The following RPS6KA4 variants were observed in gnomAD, a reference collection of about 807,000 sequenced individuals.
The protein encoded by RPS6KA4 is ribosomal protein S6 kinase alpha-4.
A neutral mutation model predicts 89.6 loss-of-function variants in RPS6KA4; 38 were observed. The ratio of observed to expected loss-of-function variants is 0.42; its 90% CI spans 0.33 to 0.56. The LOEUF (loss-of-function observed/expected upper bound fraction) is 0.56. Ranked by LOEUF, RPS6KA4 falls within the 20% of genes least tolerant of loss-of-function variation. The pLI, the probability that RPS6KA4 is intolerant of heterozygous loss-of-function variation, is 0.07. For synonymous variants in RPS6KA4, 495 were observed against 492.8 expected (o/e 1.00, Z -0.06); for missense variants, 873 against 1,098.8 (o/e 0.79, Z 2.90).
intron 8 of RPS6KA4, among the ~76,000 whole-genome samples, chr11:64,364,770 G>T (rs1340976418): frequency 2.2e-5 from 3 of 139,240 alleles, no homozygotes; most frequent in Non-Finnish European, 3.0e-5. Flanking sequence ...TGGGGTTTTC[G>T]CTCTTGTCGC....
In RPS6KA4 at chr11:64,370,074, C is replaced by T; in HGVS notation, c.1798-151C>T. The T allele has an allele frequency of 9.3e-7, 1 of 1,076,674 alleles. No homozygotes were observed. The highest frequency in any genetic ancestry group is 1.3e-6 in the Non-Finnish European group (1 of 774,392). The allele number at this position is 1,076,674 out of a possible 1,614,324, so 66.7% of individuals were successfully genotyped here. A position where few individuals can be genotyped will look rare whatever the true frequency, so the allele number is the denominator to read the frequency against. ...GGTCGCTCTGGTGCTAGAGTCGGAG[C>T]ATCCGGGTATTGGGGGTTAGAAGTC... On this transcript the variant is annotated intron_variant, in intron 14 of 16. Transcript: ENST00000334205. The surrounding 1 kb of genome is among the most constrained non-coding windows in gnomAD (Gnocchi z 4.1).
In RPS6KA4 at chr11:64,369,726, G is replaced by A. The variant is rs1284865222; in HGVS notation, c.1630G>A (p.Gly544Arg). The part of the protein sequence containing the change: ...ENILYADDTP[G>R]APVKIIDFGF... ...CATCCTGTACGCCGACGACACGCCC[G>A]GGGCCCCGGTGAAAATCATCGACTT... is the stretch of plus-strand genomic sequence containing the variant. Residue 544 changes from glycine to arginine, a missense_variant, in exon 14 of 17, where the codon GGG becomes AGG. Gly to Arg is a moderately radical substitution (Grantham distance 125). Transcript: ENST00000334205. 1 of 1,610,606 alleles carries A rather than the reference G, an allele frequency of 6.2e-7. No homozygotes were observed. The highest frequency in any genetic ancestry group is 8.5e-7 in the Non-Finnish European group (1 of 1,178,612).
In RPS6KA4 at chr11:64,360,462, C is replaced by T. The variant is rs766044356; in HGVS notation, c.347-15C>T. 1.1e-5 allele frequency: 18 copies of T among 1,607,938 alleles called. No individual in the cohort carries two copies. The highest frequency in any genetic ancestry group is 4.4e-5 in the South Asian group (4 of 90,076). On this transcript the variant is annotated splice_polypyrimidine_tract_variant and intron_variant, in intron 3 of 16. Transcript: ENST00000334205. ...CCTGACGGGGCTGCTTCCTGACTTCCACTGCACCTCCCAGACTATGTGAGC... is the reference window on the plus strand; with the variant it reads ...CCTGACGGGGCTGCTTCCTGACTTCTACTGCACCTCCCAGACTATGTGAGC...
chr11:64,364,110 C>T (rs1489052291), intron 8 of RPS6KA4, among the ~76,000 whole-genome samples: 1 of 151,794 alleles, frequency 6.6e-6, no homozygotes, highest in Non-Finnish European at 1.5e-5. Flanking sequence ...CACAGTGCCA[C>T]ATTGTCTTCA....
rs1252940649 is a variant in RPS6KA4 at position 64,359,181 on chromosome 11, T to G, written c.-55T>G. ...GCGCCCGCCCCGGCCGGAGCCGCCA[T>G]GTAACCGGCGCCGCCCGGAGCCCGA... is the stretch of plus-strand genomic sequence containing the variant. On this transcript the variant is annotated 5_prime_UTR_variant, in exon 1 of 17. An upstream start codon of the reference 5' UTR is lost. Transcript: ENST00000334205. 1 of 1,237,014 alleles carries G rather than the reference T, an allele frequency of 8.1e-7. No individual in the cohort carries two copies. The allele number at this position is 1,237,014 out of a possible 1,614,324, so 76.6% of individuals were successfully genotyped here.
Position 64,371,776 on chromosome 11 carries a change from G to T in RPS6KA4, c.*296G>T. On this transcript the variant is annotated 3_prime_UTR_variant, in exon 17 of 17. Transcript: ENST00000334205. ...CCCTCCAGGGGGACTGCTCCAACAG[G>T]AAAGAGCCCCTCCCCCACTTCTAAG... The T allele has an allele frequency of 3.2e-6, 1 of 313,364 alleles. No homozygotes were observed. The allele number at this position is 313,364 out of a possible 1,614,324, so 19.4% of individuals were successfully genotyped here.
At position 64,369,538 on chromosome 11, in the gene RPS6KA4, C is replaced by T. The variant is rs369856588; in HGVS notation, c.1521C>T (p.Ser507=). The T allele has an allele frequency of 2.3e-5, 37 of 1,608,966 alleles. No homozygotes were observed. Among genetic ancestry groups the T allele is most frequent in the Middle Eastern group, 1.6e-4 (1 of 6,080 alleles). The stretch of plus-strand genomic sequence containing the variant: ...GGCACTTCAGCGAGTCGGAAGCAAG[C>T]CAGATCCTGCGCAGCCTCGTGTCGG... ...KKRHFSESEA[S]QILRSLVSAV... is the part of the protein sequence containing the mutation. The change falls in exon 13 of 17, where the codon AGC becomes AGT. Residue 507 remains serine (S), a synonymous_variant. Transcript: ENST00000334205.
In RPS6KA4 at chr11:64,360,204, G is replaced by C. The variant is rs1220240625; in HGVS notation, c.169G>C (p.Asp57His). ...VFLVRKAGGH[D>H]AGKLYAMKVL... is the part of the protein sequence containing the mutation. The stretch of plus-strand genomic sequence containing the variant: ...CCTGGTGCGGAAGGCGGGCGGGCAC[G>C]ACGCGGGGAAGCTGTACGCCATGAA... The change falls in exon 3 of 17, where the codon GAC (aspartate) becomes CAC (histidine). Residue 57 changes from aspartate to histidine, a missense_variant. Physicochemically the swap from Asp to His is moderately conservative, Grantham distance 81 (BLOSUM62 -1). Transcript: ENST00000334205. 6.5e-7 allele frequency: 1 copy of C among 1,548,240 alleles called. No homozygotes were observed. The highest frequency in any genetic ancestry group is 8.7e-7 in the Non-Finnish European group (1 of 1,146,856).
chr11:64,362,861 G>T (rs907798657), intron 8 of RPS6KA4, among the ~76,000 whole-genome samples: 13 of 152,064 alleles, frequency 8.5e-5, no homozygotes, highest in African/African-American at 3.1e-4. Flanking sequence ...AGTAGAAACG[G>T]GGTTTCACCA....
chr11:64,361,692 G>A lies in RPS6KA4; in HGVS notation c.702G>A (p.Gly234=), dbSNP rs1450833675. 3 of 1,612,250 alleles carry A rather than the reference G, an allele frequency of 1.9e-6. No individual in the cohort carries two copies. The highest frequency in any genetic ancestry group is 2.5e-6 in the Non-Finnish European group (3 of 1,179,690). The change falls in exon 7 of 17, where the codon GGG becomes GGA. Residue 234 remains glycine (G), a synonymous_variant. Transcript: ENST00000334205. The surrounding 1 kb of genome is among the most constrained non-coding windows in gnomAD (Gnocchi z 4.7). The stretch of plus-strand genomic sequence containing the variant: ...TCTTGCTCTTCGAGCTGCTGACGGG[G>A]GCCTCGCCCTTCACCCTGGAGGGCG... ...LGILLFELLT[G]ASPFTLEGER...
chr11:64,360,591 A>G lies in RPS6KA4; in HGVS notation c.461A>G (p.Lys154Arg). 6.3e-7 allele frequency: 1 copy of G among 1,599,420 alleles called. No homozygotes were observed. Among genetic ancestry groups the G allele is most frequent in the Non-Finnish European group, 8.5e-7 (1 of 1,172,932 alleles). Residue 154 changes from lysine (K) to arginine (R), a missense_variant and splice_region_variant, in exon 4 of 17, where the codon AAG becomes AGG. By Grantham distance (26) the Lys-to-Arg change is conservative. Coordinates refer to ENST00000334205, the MANE Select transcript of RPS6KA4 (RefSeq NM_003942.3). Reference protein sequence around the residue: ...EIVLALEHLHKLGIIYRDLKL... With the variant: ...EIVLALEHLHRLGIIYRDLKL... ...GTGCTGGCCCTGGAACACCTGCACA[A>G]GGTGGGTGAAGACCTGGCCGCAGGC...
chr11:64,369,435 G>T lies in RPS6KA4; in HGVS notation c.1429-11G>T, dbSNP rs773408350. On this transcript the variant is annotated splice_polypyrimidine_tract_variant and intron_variant, in intron 12 of 16. Coordinates refer to ENST00000334205, the MANE Select transcript of RPS6KA4 (RefSeq NM_003942.3). ...GTGGGTGTTGACCTTGGCCCGCCAC[G>T]CCGCCCGCAGCTGCACACGTACCTG... The T allele has an allele frequency of 5.2e-5, 82 of 1,580,982 alleles. No homozygotes were observed. Among genetic ancestry groups the T allele is most frequent in the Non-Finnish European group, 6.9e-5 (80 of 1,166,096 alleles).
At position 64,359,459 on chromosome 11, in the gene RPS6KA4, C is replaced by A; in HGVS notation, c.127+10C>A. On this transcript the variant is annotated intron_variant, in intron 2 of 16. Transcript: ENST00000334205. ...GTGCTGGGCACGGGAGGTGAGGACC[C>A]CCATCCACCGGGCAGGCGTCCCAGG... The A allele has an allele frequency of 6.2e-7, 1 of 1,613,176 alleles. No individual in the cohort carries two copies.
chr11:64,359,306 G>C lies in RPS6KA4; in HGVS notation c.55+16G>C. The C allele has an allele frequency of 6.3e-7, 1 of 1,599,048 alleles. No homozygotes were observed. The highest frequency in any genetic ancestry group is 8.5e-7 in the Non-Finnish European group (1 of 1,172,620). On this transcript the variant is annotated intron_variant, in intron 1 of 16. Coordinates refer to ENST00000334205, the MANE Select transcript of RPS6KA4 (RefSeq NM_003942.3). ...ATCACAGAAGGTGGGTGTGGGGCCT[G>C]ACTGCGGCTGCCCGGGGCAGGCCGG...
intron 4 of RPS6KA4, among the ~76,000 whole-genome samples, 196 bp downstream of exon 4, chr11:64,360,788 T>G (rs1440687458): frequency 6.6e-6 from 1 of 152,100 alleles, no homozygotes; most frequent in Non-Finnish European, 1.5e-5. Flanking sequence ...TCCCCTCCCC[T>G]GGCACCTCCT....
At position 64,369,593 on chromosome 11, in the gene RPS6KA4, G is replaced by A. The variant is rs767134558; in HGVS notation, c.1576G>A (p.Val526Met). 1.9e-6 allele frequency: 3 copies of A among 1,605,080 alleles called. No individual in the cohort carries two copies. The highest frequency in any genetic ancestry group is 2.6e-6 in the Non-Finnish European group (3 of 1,176,328). Residue 526 changes from valine (V) to methionine (M), a missense_variant, in exon 13 of 17, where the codon GTG (valine) becomes ATG (methionine). Val to Met is a conservative substitution (Grantham distance 21, BLOSUM62 1). Coordinates refer to ENST00000334205, the MANE Select transcript of RPS6KA4 (RefSeq NM_003942.3). ...GAGCTTCATGCACGAGGAGGCGGGCGTGGTGCACCGCGACCTCAAGCCGGA... is the reference window on the plus strand; with the variant it reads ...GAGCTTCATGCACGAGGAGGCGGGCATGGTGCACCGCGACCTCAAGCCGGA... ...AVSFMHEEAG[V>M]VHRDLKPENI... is the part of the protein sequence containing the mutation.
At position 64,361,861 on chromosome 11, in the gene RPS6KA4, G is replaced by T; in HGVS notation, c.765G>T (p.Leu255=). 1 of 1,612,564 alleles carries T rather than the reference G, an allele frequency of 6.2e-7. No homozygotes were observed. Among genetic ancestry groups the T allele is most frequent in the Non-Finnish European group, 8.5e-7 (1 of 1,179,756 alleles). Residue 255 remains leucine (L), a synonymous_variant, in exon 8 of 17, where the codon CTG becomes CTT. Coordinates refer to ENST00000334205, the MANE Select transcript of RPS6KA4 (RefSeq NM_003942.3). This position sits in a 1 kb window ranked among gnomAD's most constrained non-coding sequence, Gnocchi z 4.7. ...CCCCCAATCCTCCCAGACGGATCCT[G>T]AAGTGCTCCCCTCCCTTCCCCCCTC... The part of the protein sequence containing the change: ...NTQAEVSRRI[L]KCSPPFPPRI...
In RPS6KA4 at chr11:64,369,844, A is replaced by C; in HGVS notation, c.1748A>C (p.Gln583Pro). The C allele has an allele frequency of 6.3e-7, 1 of 1,583,088 alleles. No homozygotes were observed. Among genetic ancestry groups the C allele is most frequent in the Non-Finnish European group, 8.6e-7 (1 of 1,165,634 alleles). The change falls in exon 14 of 17, where the codon CAG (glutamine) becomes CCG (proline). Residue 583 changes from glutamine (Q) to proline (P), a missense_variant. This residue lies in a region of RPS6KA4 where 278 missense variants were observed against 284.8 expected (regional missense o/e 0.98). Coordinates refer to ENST00000334205, the MANE Select transcript of RPS6KA4 (RefSeq NM_003942.3). Reference sequence around the variant, plus strand: ...TACGCTGCCCCCGAGCTGCTGGCGCAGCAGGGCTACGACGAGTCCTGCGAC... The same window carrying C: ...TACGCTGCCCCCGAGCTGCTGGCGCCGCAGGGCTACGACGAGTCCTGCGAC... Reference protein sequence around the residue: ...LQYAAPELLAQQGYDESCDLW... With the variant: ...LQYAAPELLAPQGYDESCDLW...
At position 64,370,825 on chromosome 11, in the gene RPS6KA4, GC is replaced by G. The variant is rs2037046239; in HGVS notation, c.2121+101del. ...TCGGAGCACAGAAAGGCGAGGTGAG[GC>G]CGGGCGCGGTGGCTCACGCCTGTAA... On this transcript the variant is annotated intron_variant, in intron 16 of 16. Transcript: ENST00000334205. This position sits in a 1 kb window ranked among gnomAD's most constrained non-coding sequence, Gnocchi z 4.1. 7.2e-7 allele frequency: 1 copy of G among 1,387,484 alleles called. No homozygotes were observed. Among genetic ancestry groups the G allele is most frequent in the Admixed American group, 2.8e-5 (1 of 35,466 alleles). 85.9% of individuals were successfully genotyped at this position (1,387,484 alleles called of 1,614,324 possible).
Sources: gnomAD v4.1 joint callset for allele counts (sites outside exome capture counted in the v4.1 genomes callset) on GRCh38, gnomAD v4.1.1 for gene constraint, gnomAD v4.1.1 regional missense constraint, Gnocchi (gnomAD v3.1) non-coding constraint, MANE v1.5 for transcripts, NCBI Gene and HGNC (gene_info 2026-07-23, HGNC 2026-07-21) for gene names.